ASB4: variants seen among roughly 807,000 people sequenced by gnomAD.
The protein encoded by ASB4 is ankyrin repeat and SOCS box protein 4.
ASB4 carries 35 observed loss-of-function variants against 38.6 expected under a neutral mutation model. The observed-to-expected ratio is 0.91, with a 90% confidence interval of 0.69 to 1.20. The LOEUF (loss-of-function observed/expected upper bound fraction) is 1.20. Among genes scored for constraint, ASB4 ranks in the 50% most tolerant of loss-of-function variants. ASB4 has a pLI of 0.00. For missense variants in ASB4, 557 were observed against 527.2 expected (o/e 1.06, Z -0.55); for synonymous variants, 195 against 201.3 (o/e 0.97, Z 0.26).
chr7:95,500,402 A>T (rs997644786), intron 2 of ASB4, among the ~76,000 whole-genome samples: 4 of 151,814 alleles, frequency 2.6e-5, no homozygotes, highest in South Asian at 2.1e-4. Flanking sequence ...CCACATCTTT[A>T]CTAAAGGAAA....
the ASB4 span, among the ~76,000 whole-genome samples, chr7:95,470,914 G>A: frequency 5.5e-4 from 84 of 152,200 alleles, no homozygotes; most frequent in Non-Finnish European, 7.5e-4. Flanking sequence ...ATAACTCTCC[G>A]GGTGGTTCCC....
At chr7:95,546,217 T>TAG in the ASB4 span, among the ~76,000 whole-genome samples, 1 of 152,204 alleles carries the variant, frequency 6.6e-6, no homozygotes, top group Non-Finnish European at 1.5e-5. Flanking sequence ...GACTGACTTG[T>TAG]AGACCCTGCA....
At chr7:95,522,946 C>CTTTACCCCAGA (rs1790683836) in intron 2 of ASB4, among the ~76,000 whole-genome samples, 1 of 152,162 alleles carries the variant, frequency 6.6e-6, no homozygotes, top group Non-Finnish European at 1.5e-5. Flanking sequence ...TTAAAAGTCA[C>CTTTACCCCAGA]TTTACCCCAG....
chr7:95,527,710 C>G, intron 2 of ASB4, 103 bp from the exon 3 acceptor site: 3 of 1,145,172 alleles, frequency 2.6e-6, no homozygotes, highest in South Asian at 1.6e-5. Context: ...ATACGGCAGT[C>G]AGAAGTTAAA....
chr7:95,476,721 G>A (rs1181080955), upstream of ASB4, among the ~76,000 whole-genome samples: 1 of 152,142 alleles, frequency 6.6e-6, no homozygotes, highest in Non-Finnish European at 1.5e-5. Context: ...GAAAAATTGT[G>A]AGCATGAGAA....
intron 2 of ASB4, among the ~76,000 whole-genome samples, chr7:95,504,360 A>AGG (rs1790380341): frequency 1.3e-5 from 2 of 152,324 alleles, no homozygotes; most frequent in South Asian, 4.1e-4. Context: ...ACCACATGTT[A>AGG]GGAAATTCCC....
upstream of ASB4, among the ~76,000 whole-genome samples, chr7:95,485,291 C>G (rs1442507176): frequency 6.6e-6 from 1 of 152,110 alleles, no homozygotes; most frequent in African/African-American, 2.4e-5. Context: ...AAACAGGATT[C>G]AATAAAGTTC....
rs922333911 is a variant in ASB4 at position 95,505,735 on chromosome 7, A to G, written c.487+9678A>G. On this transcript the variant is annotated intron_variant, in intron 2 of 4. Transcript: ENST00000325885. ...CATTCCCTGTCCCTTATGATGTTAT[A>G]TTATAACTATGAGGCTTGTGGTCAA... Among the ~76,000 whole-genome samples, 7 of 131,710 alleles carry G rather than the reference A, an allele frequency of 5.3e-5. No individual in the cohort carries two copies. In the East Asian group the frequency reaches 1.9e-3, roughly 35 times the overall value. The allele number at this position is 131,710 out of a possible 152,430, so 86.4% of individuals were successfully genotyped here.
chr7:95,481,098 A>G (rs1790018230), upstream of ASB4, among the ~76,000 whole-genome samples: 1 of 152,164 alleles, frequency 6.6e-6, no homozygotes, highest in Non-Finnish European at 1.5e-5. Flanking sequence ...TTTGATTCTT[A>G]GTTTACCTGA....
intron 2 of ASB4, among the ~76,000 whole-genome samples, chr7:95,505,109 C>A (rs570232684): frequency 6.6e-6 from 1 of 152,272 alleles, no homozygotes; most frequent in South Asian, 2.1e-4. Context: ...GAGGTCCTAA[C>A]TGGCACAAAG....
At chr7:95,523,674 G>A (rs765827426) in intron 2 of ASB4, among the ~76,000 whole-genome samples, 37 of 151,752 alleles carry the variant, frequency 2.4e-4, no homozygotes, top group Non-Finnish European at 1.3e-4. Flanking sequence ...CTATTTTGGG[G>A]GAATTTATTC....
chr7:95,551,084 A>C, the ASB4 span, among the ~76,000 whole-genome samples: 2 of 152,114 alleles, frequency 1.3e-5, no homozygotes, highest in East Asian at 3.9e-4. Flanking sequence ...AGGTTCAAGC[A>C]ATTCTCCTGC....
At chr7:95,504,064 C>G (rs1196474047) in intron 2 of ASB4, among the ~76,000 whole-genome samples, 1 of 152,182 alleles carries the variant, frequency 6.6e-6, no homozygotes, top group Non-Finnish European at 1.5e-5. Context: ...AACCTCCTCT[C>G]CTTGAATCCT....
chr7:95,480,397 T>C (rs973900716), intron 1 of ASB4, among the ~76,000 whole-genome samples: 6 of 152,232 alleles, frequency 3.9e-5, no homozygotes, highest in African/African-American at 1.4e-4. Flanking sequence ...TCTCACTTCC[T>C]GGTTTTCACA....
chr7:95,505,663 T>C (rs1393971073), intron 2 of ASB4, among the ~76,000 whole-genome samples: 4 of 150,836 alleles, frequency 2.7e-5, no homozygotes, highest in Non-Finnish European at 5.9e-5. Flanking sequence ...AATGAGGATC[T>C]GGCTCCTTTT....
intron 2 of ASB4, among the ~76,000 whole-genome samples, chr7:95,507,899 A>G (rs2116611122): frequency 6.6e-6 from 1 of 152,268 alleles, no homozygotes; most frequent in Non-Finnish European, 1.5e-5. Context: ...CATGGATGGA[A>G]CTGAAGATTA....
chr7:95,515,205 C>CTT (rs1486975667), intron 2 of ASB4, among the ~76,000 whole-genome samples: 2 of 130,040 alleles, frequency 1.5e-5, no homozygotes, highest in African/African-American at 7.0e-5. Context: ...TTCTTTCTTT[C>CTT]TTTCTTTCTT....
intron 3 of ASB4, among the ~76,000 whole-genome samples, chr7:95,532,215 T>C (rs1461221689): frequency 6.6e-6 from 1 of 152,174 alleles, no homozygotes; most frequent in Admixed American, 6.5e-5. Flanking sequence ...CGTTCTTGTG[T>C]GGATGGGGAA....
chr7:95,524,213 A>G (rs1290831541), intron 2 of ASB4, among the ~76,000 whole-genome samples: 1 of 152,242 alleles, frequency 6.6e-6, no homozygotes. Context: ...AGTGCTTGGG[A>G]TAGCCTGACA....
Sources: allele counts gnomAD v4.1 joint callset (sites outside exome capture counted in the v4.1 genomes callset), GRCh38; gene constraint gnomAD v4.1.1; transcripts MANE v1.5; gene names NCBI Gene and HGNC (gene_info 2026-07-23, HGNC 2026-07-21).